Variants in TNS2 observed in about 807,000 individuals in gnomAD.
TNS2 encodes tensin 2, also known as tensin-2.
In TNS2, 77 loss-of-function variants were observed where a neutral mutation model predicts 155.7. That is an observed-to-expected ratio of 0.49 (90% CI 0.41 to 0.60). The LOEUF is 0.60. TNS2 is among the 20% of genes least tolerant of loss of function. The pLI is 0.00. For missense variants in TNS2, 1,703 were observed against 1,868.8 expected, an observed-to-expected ratio of 0.91 and a Z score of 1.64; for synonymous variants, 726 against 763.9, an observed-to-expected ratio of 0.95 and a Z score of 0.82.
In TNS2 at chr12:53,061,858, C is replaced by T. The variant is rs748675062; in HGVS notation, c.3492C>T (p.Ile1164=). Residue 1164 remains isoleucine, a synonymous_variant, in exon 22 of 29, where the codon ATC becomes ATT. Coordinates refer to ENST00000314250, the MANE Select transcript of TNS2 (RefSeq NM_170754.4). ...LKDKDPGAFL[I]RDSHSFQGAY... ...ACAAGGACCCTGGGGCCTTCCTGAT[C>T]AGGGACAGTCATTCATTCCAAGGAG... is the stretch of plus-strand genomic sequence containing the variant. 1 of 1,613,822 alleles carries T rather than the reference C, an allele frequency of 6.2e-7. No homozygotes were observed. Among genetic ancestry groups the T allele is most frequent in the Non-Finnish European group, 8.5e-7 (1 of 1,179,996 alleles).
At chr12:53,053,715 A>ATTGG in intron 4 of TNS2, 59 bp from the exon 5 acceptor site, 7 of 1,595,336 alleles carry the variant, frequency 4.4e-6, no homozygotes, top group Non-Finnish European at 6.0e-6. Flanking sequence ...CAAGGCCCAC[A>ATTGG]TTGGTCCTTG....
chr12:53,049,134 C>T (rs1433027179), upstream of TNS2: 2 of 1,547,470 alleles, frequency 1.3e-6, no homozygotes, highest in South Asian at 2.6e-5. Flanking sequence ...AGGAGGGAGG[C>T]CGGAGGCCCA....
At position 53,050,210 on chromosome 12, in the gene TNS2, A is replaced by G. The variant is rs1943878263; in HGVS notation, c.25A>G (p.Arg9Gly). ...CATGAAGTCCAGCGGCCCTGTGGAG[A>G]GGCTGCTCAGAGCCCTGGGGAGGAG... Reference protein sequence around the residue: MKSSGPVERLLRALGRRDS... With the variant: MKSSGPVEGLLRALGRRDS... Residue 9 changes from arginine to glycine, a missense_variant, in exon 1 of 29, where the codon AGG becomes GGG. By Grantham distance (125) the Arg-to-Gly change is moderately radical. Transcript: ENST00000314250. The surrounding 1 kb of genome is among the most constrained non-coding windows in gnomAD (Gnocchi z 4.7). 1 of 1,611,076 alleles carries G rather than the reference A, an allele frequency of 6.2e-7. No homozygotes were observed. Among genetic ancestry groups the G allele is most frequent in the East Asian group, 2.2e-5 (1 of 44,806 alleles).
intron 10 of TNS2, chr12:53,056,216 C>T (rs6580927): frequency 0.45 from 75,984 of 168,548 alleles, 18,290 homozygotes; most frequent in East Asian, 0.75. Flanking sequence ...AAAAATTAGC[C>T]GGGCGTGGTG....
At chr12:53,049,323 G>A (rs2121044207), upstream of TNS2, 1 of 1,245,202 alleles carries the variant, frequency 8.0e-7, no homozygotes, top group East Asian at 2.5e-5. Flanking sequence ...TGCAGGGCTG[G>A]AAAGAGGGCT....
At position 53,060,191 on chromosome 12, in the gene TNS2, G is replaced by A. The variant is rs1300072512; in HGVS notation, c.2550G>A (p.Thr850=). The change falls in exon 18 of 29, where the codon ACG becomes ACA. Residue 850 remains threonine, a synonymous_variant. Coordinates refer to ENST00000314250, the MANE Select transcript of TNS2 (RefSeq NM_170754.4). The surrounding 1 kb of genome is among the most constrained non-coding windows in gnomAD (Gnocchi z 6.1). Reference sequence around the variant, plus strand: ...GGAAGCTGAGCTACGAGATCCCTACGGAGGAGGGAGGGGACAGGTACCCAT... The same window carrying A: ...GGAAGCTGAGCTACGAGATCCCTACAGAGGAGGGAGGGGACAGGTACCCAT... ...QSRKLSYEIP[T]EEGGDRYPLP... 7 of 1,589,092 alleles carry A rather than the reference G, an allele frequency of 4.4e-6. No homozygotes were observed. Among genetic ancestry groups the A allele is most frequent in the East Asian group, 2.2e-5 (1 of 44,584 alleles).
intron 3 of TNS2, 69 bp downstream of exon 3, chr12:53,052,561 T>C: frequency 6.3e-7 from 1 of 1,597,986 alleles, no homozygotes; most frequent in Non-Finnish European, 8.6e-7. Context: ...AACAGGCTTC[T>C]GCAACCACAC....
chr12:53,054,365 C>T lies in TNS2; in HGVS notation c.446C>T (p.Pro149Leu), dbSNP rs146960728. The change falls in exon 7 of 29, where the codon CCC becomes CTC. Residue 149 changes from proline (P) to leucine (L), a missense_variant. Coordinates refer to ENST00000314250, the MANE Select transcript of TNS2 (RefSeq NM_170754.4). ...RILAAAFPAR[P>L]DEQRHRGHLR... ...TTGGCCGCCGCCTTCCCCGCGCGGC[C>T]CGATGAACAGCGGCACCGGGGCCAC... 2.5e-5 allele frequency: 40 copies of T among 1,612,450 alleles called. No individual in the cohort carries two copies. The highest frequency in any genetic ancestry group is 3.1e-5 in the Non-Finnish European group (37 of 1,179,784).
chr12:53,052,027 A>C (rs1403958282), intron 2 of TNS2, 64 bp downstream of exon 2: 14 of 1,325,668 alleles, frequency 1.1e-5, no homozygotes, highest in African/African-American at 1.5e-5. Context: ...GCACAACTCC[A>C]GCAGGCCAGC....
intron 15 of TNS2, 30 bp downstream of exon 15, chr12:53,058,475 G>A (rs2121131414): frequency 6.2e-7 from 1 of 1,614,074 alleles, no homozygotes; most frequent in Non-Finnish European, 8.5e-7. Context: ...CCTGGGGCTG[G>A]AGTCCAGGTG....
At chr12:53,049,400 A>G, upstream of TNS2, 1 of 663,364 alleles carries the variant, frequency 1.5e-6, no homozygotes, top group African/African-American at 1.9e-5. Flanking sequence ...CTGTGTCAGG[A>G]GCAGAAACCT....
chr12:53,062,387 G>A lies in TNS2; in HGVS notation c.3679G>A (p.Ala1227Thr), dbSNP rs375708713. ...CTCCTCTCCCACAGGCAGCCTGTCC[G>A]CCTTGGTCTCCCAGCACTCCATCTC... ...PSEPYFGSLS[A>T]LVSQHSISPI... Residue 1227 changes from alanine to threonine, a missense_variant, in exon 24 of 29, where the codon GCC (alanine) becomes ACC (threonine). Ala to Thr is a moderately conservative substitution (Grantham distance 58, BLOSUM62 0). Transcript: ENST00000314250. 2.4e-5 allele frequency: 38 copies of A among 1,613,878 alleles called. No homozygotes were observed. Among genetic ancestry groups the A allele is most frequent in the Admixed American group, 3.3e-5 (2 of 59,978 alleles).
chr12:53,048,660 G>A (rs1943814409), upstream of TNS2, among the ~76,000 whole-genome samples: 1 of 152,208 alleles, frequency 6.6e-6, no homozygotes, highest in Non-Finnish European at 1.5e-5. Flanking sequence ...CCACCTTCTG[G>A]CCAGGATATC....
intron 7 of TNS2, 101 bp downstream of exon 7, chr12:53,054,542 G>T (rs1040399423): frequency 7.6e-5 from 103 of 1,359,740 alleles, no homozygotes; most frequent in Non-Finnish European, 8.9e-5. Flanking sequence ...AGGCCGCCAG[G>T]GGGCGGGACC....
chr12:53,063,098 T>G lies in TNS2; in HGVS notation c.3833T>G (p.Val1278Gly). ...DLLRQGAACS[V>G]LYLTSVETES... The stretch of plus-strand genomic sequence containing the variant: ...CTCCCTGCCCCTGTAGCCTGCAGCG[T>G]GCTCTACTTGACCTCAGTGGAGACA... The change falls in exon 26 of 29, where the codon GTG (valine) becomes GGG (glycine). Residue 1278 changes from valine to glycine, a missense_variant. Physicochemically the swap from Val to Gly is moderately radical, Grantham distance 109. Transcript: ENST00000314250. The surrounding 1 kb of genome is among the most constrained non-coding windows in gnomAD (Gnocchi z 5.6). The G allele has an allele frequency of 1.3e-6, 2 of 1,551,088 alleles. No individual in the cohort carries two copies. The highest frequency in any genetic ancestry group is 1.7e-6 in the Non-Finnish European group (2 of 1,150,746).
At chr12:53,062,315 A>T (rs1339126810) in intron 23 of TNS2, 61 bp from the exon 24 acceptor site, 9 of 1,612,610 alleles carry the variant, frequency 5.6e-6, no homozygotes, top group Non-Finnish European at 6.8e-6. Flanking sequence ...TCTCAGGAGG[A>T]TGGAAGGGAA....
chr12:53,057,856 C>T lies in TNS2; in HGVS notation c.1019+23C>T, dbSNP rs762002339. ...CTAGTGAGTGCTCTATTCCCAGGCC[C>T]CTGACACTTCATGACCAGGGCCCCT... On this transcript the variant is annotated intron_variant, in intron 13 of 28. Transcript: ENST00000314250. 72 of 1,613,780 alleles carry T rather than the reference C, an allele frequency of 4.5e-5. No homozygotes were observed. The Middle Eastern group carries it at 8.2e-4, about 18-fold the overall frequency.
rs371073248 is a variant in TNS2 at position 53,058,677 on chromosome 12, C to T, written c.1292-37C>T. 4.4e-5 allele frequency: 71 copies of T among 1,613,994 alleles called. No homozygotes were observed. The African/African-American group carries it at 8.8e-4, about 20-fold the overall frequency. ...ATGGGCTGGGGACTGAGGGCCGCCTCTCCCCTGCTCCCCAATACCCGAGTG... is the reference window on the plus strand; with the variant it reads ...ATGGGCTGGGGACTGAGGGCCGCCTTTCCCCTGCTCCCCAATACCCGAGTG... On this transcript the variant is annotated intron_variant, in intron 16 of 28. Coordinates refer to ENST00000314250, the MANE Select transcript of TNS2 (RefSeq NM_170754.4).
intron 4 of TNS2, 105 bp downstream of exon 4, chr12:53,053,554 G>GT: frequency 6.8e-7 from 1 of 1,475,822 alleles, no homozygotes; most frequent in Non-Finnish European, 9.3e-7. Flanking sequence ...CTTGAACGGA[G>GT]TGCTGTGGGT....
Sources: allele counts gnomAD v4.1 joint callset (sites outside exome capture counted in the v4.1 genomes callset), GRCh38; gene constraint gnomAD v4.1.1; non-coding constraint Gnocchi (gnomAD v3.1); transcripts MANE v1.5; gene names NCBI Gene and HGNC (gene_info 2026-07-23, HGNC 2026-07-21).